Variants in NRG3 observed in about 807,000 individuals in gnomAD.
NRG3 encodes the protein pro-neuregulin-3, membrane-bound isoform.
A neutral mutation model predicts 66.9 loss-of-function variants in NRG3; 31 were observed. The ratio of observed to expected loss-of-function variants is 0.46; its 90% CI spans 0.35 to 0.63. NRG3 has a LOEUF of 0.63. NRG3 is among the 20% of genes least tolerant of loss of function. The probability of loss-of-function intolerance (pLI) is 0.00; values close to 1 mark genes in which losing one functional copy is unlikely to be tolerated. For synonymous variants in NRG3, 393 were observed against 359.4 expected (o/e 1.09, Z -1.06); for missense variants, 910 against 878.9 (o/e 1.04, Z -0.45).
intron 2 of NRG3, among the ~76,000 whole-genome samples, chr10:82,653,515 A>G (rs991782128): frequency 6.6e-6 from 1 of 152,212 alleles, no homozygotes; most frequent in African/African-American, 2.4e-5. Context: ...AGAAAATGAA[A>G]GAACTTGATT....
chr10:82,980,095 C>T (rs1173976231), intron 8 of NRG3, among the ~76,000 whole-genome samples: 3 of 151,760 alleles, frequency 2.0e-5, no homozygotes, highest in African/African-American at 7.3e-5. Flanking sequence ...GTCCCAGCTG[C>T]TTGGGAGGCT....
chr10:82,466,074 C>T (rs1339736242), intron 2 of NRG3, among the ~76,000 whole-genome samples: 1 of 152,164 alleles, frequency 6.6e-6, no homozygotes, highest in Non-Finnish European at 1.5e-5. Flanking sequence ...GGTGCACTCC[C>T]TTGACCTCCT....
intron 2 of NRG3, among the ~76,000 whole-genome samples, chr10:82,617,744 C>T (rs551945299): frequency 7.7e-4 from 117 of 152,256 alleles, no homozygotes; most frequent in African/African-American, 2.5e-3. Flanking sequence ...GTGGAAGCCA[C>T]GGCCAGTTGG....
intron 3 of NRG3, among the ~76,000 whole-genome samples, chr10:82,864,124 G>A (rs965704866): frequency 6.6e-6 from 1 of 152,016 alleles, no homozygotes; most frequent in South Asian, 2.1e-4. Context: ...ATGGATTAGG[G>A]GGCACAGAGT....
At chr10:82,639,737 CTTGGTAATGGCTGAA>C (rs1036182174) in intron 2 of NRG3, among the ~76,000 whole-genome samples, 2 of 152,184 alleles carry the variant, frequency 1.3e-5, no homozygotes, top group Non-Finnish European at 2.9e-5. Context: ...GTAAGAATTT[CTTGGTAATGGCTGAA>C]AGAGCCCTGA....
At chr10:82,440,236 A>G (rs2090363776) in intron 2 of NRG3, among the ~76,000 whole-genome samples, 1 of 151,608 alleles carries the variant, frequency 6.6e-6, no homozygotes, top group African/African-American at 2.4e-5. Context: ...AAATTTGCCC[A>G]TATTTTTTGA....
chr10:82,691,045 C>T lies in NRG3; in HGVS notation c.954-47532C>T, dbSNP rs569514553. Among the ~76,000 whole-genome samples, 10 of 151,830 alleles carry T rather than the reference C, an allele frequency of 6.6e-5. No individual in the cohort carries two copies. The East Asian group carries it at 1.7e-3, about 26-fold the overall frequency. ...CTTTCTCTTGTTTTTATTTTCCTTC[C>T]CCCTCTTCTTCCCTCATCTGGAAGT... is the stretch of plus-strand genomic sequence containing the variant. On this transcript the variant is annotated intron_variant, in intron 2 of 8. Transcript: ENST00000372141.
At chr10:82,520,028 A>G (rs1846045365) in intron 2 of NRG3, among the ~76,000 whole-genome samples, 1 of 151,982 alleles carries the variant, frequency 6.6e-6, no homozygotes, top group Non-Finnish European at 1.5e-5. Context: ...TTAAATGAAT[A>G]TGATGGGATG....
intron 4 of NRG3, among the ~76,000 whole-genome samples, chr10:82,927,853 A>G (rs1362450272): frequency 6.6e-6 from 1 of 152,218 alleles, no homozygotes; most frequent in Non-Finnish European, 1.5e-5. Context: ...CTTTGGCTAT[A>G]TACCCAGTAC....
chr10:82,946,372 C>T (rs1053254789), intron 4 of NRG3, among the ~76,000 whole-genome samples: 1 of 151,882 alleles, frequency 6.6e-6, no homozygotes, highest in African/African-American at 2.4e-5. Flanking sequence ...AACCCGGTCT[C>T]TACTAAAAAC....
intron 1 of NRG3, among the ~76,000 whole-genome samples, chr10:82,289,216 C>T (rs1002239823): frequency 7.2e-5 from 11 of 152,196 alleles, no homozygotes; most frequent in Admixed American, 5.9e-4. Context: ...ACCCTTCACG[C>T]CATCAGCTCT....
At chr10:82,898,196 G>A (rs887841627) in intron 4 of NRG3, among the ~76,000 whole-genome samples, 22 of 152,148 alleles carry the variant, frequency 1.4e-4, no homozygotes, top group Middle Eastern at 3.2e-3. Context: ...TCCACACTGG[G>A]GCTGAGCCCT....
chr10:82,781,461 G>A (rs1041599159), intron 3 of NRG3, among the ~76,000 whole-genome samples: 1 of 152,048 alleles, frequency 6.6e-6, no homozygotes, highest in East Asian at 1.9e-4. Flanking sequence ...CCTCTATCTT[G>A]GCTTATATCT....
chr10:82,854,519 C>T (rs1390420883), intron 3 of NRG3, among the ~76,000 whole-genome samples: 1 of 152,062 alleles, frequency 6.6e-6, no homozygotes, highest in Non-Finnish European at 1.5e-5. Context: ...TGCCAGATAC[C>T]TTCTGCATTT....
rs141545563 is a variant in NRG3, at chr10:82,784,903, C to T, written c.1027+46253C>T. Reference sequence around the variant, plus strand: ...TCATGCTGCTATAAAGACACATGCACACGTATGTTCATTTCATCACTATTC... The same window carrying T: ...TCATGCTGCTATAAAGACACATGCATACGTATGTTCATTTCATCACTATTC... On this transcript the variant is annotated intron_variant, in intron 3 of 8. Transcript: ENST00000372141. 5.4e-4 allele frequency among the ~76,000 whole-genome samples: 82 copies of T among 152,274 alleles called. 2 individuals carry two copies. In the East Asian group the frequency reaches 0.011, roughly 21 times the overall value.
intron 1 of NRG3, among the ~76,000 whole-genome samples, chr10:82,290,634 A>C (rs1312154870): frequency 1.6e-5 from 2 of 124,098 alleles, no homozygotes; most frequent in African/African-American, 8.4e-5. Context: ...AATGACTTCA[A>C]ATGATTTTTT....
rs1201411477 is a variant in NRG3, at chr10:82,345,946, A to T, written c.824-12793A>T. 1.6e-4 allele frequency among the ~76,000 whole-genome samples: 25 copies of T among 152,358 alleles called. No homozygotes were observed. The East Asian group carries it at 4.8e-3, about 29-fold the overall frequency. On this transcript the variant is annotated intron_variant, in intron 1 of 8. Coordinates refer to ENST00000372141, the MANE Select transcript of NRG3 (RefSeq NM_001010848.4). ...TGAGACTTTGCTGAAGTTGCTTATCAGCTTAAGCAGATTTTGGGCTGAGAC... is the reference window on the plus strand; with the variant it reads ...TGAGACTTTGCTGAAGTTGCTTATCTGCTTAAGCAGATTTTGGGCTGAGAC...
At chr10:82,053,346 G>A (rs2063689589) in intron 1 of NRG3, among the ~76,000 whole-genome samples, 1 of 152,054 alleles carries the variant, frequency 6.6e-6, no homozygotes, top group Non-Finnish European at 1.5e-5. Context: ...GGTTGGAGGG[G>A]CCCAGATCCA....
At chr10:82,510,362 C>T (rs1241049870) in intron 2 of NRG3, among the ~76,000 whole-genome samples, 4 of 152,076 alleles carry the variant, frequency 2.6e-5, no homozygotes, top group African/African-American at 9.7e-5. Context: ...AGGTCATAAG[C>T]GCAGGCCCCT....
Sources: gnomAD v4.1 joint callset for allele counts (sites outside exome capture counted in the v4.1 genomes callset) on GRCh38, gnomAD v4.1.1 for gene constraint, MANE v1.5 for transcripts, NCBI Gene and HGNC (gene_info 2026-07-23, HGNC 2026-07-21) for gene names.